ZNF512: variants seen among roughly 807,000 people sequenced by gnomAD.
ZNF512 encodes the protein zinc finger protein 512.
Under a neutral mutation model 77.5 loss-of-function variants are expected in ZNF512, and 25 were observed. The ratio of observed to expected loss-of-function variants is 0.32; its 90% CI spans 0.23 to 0.45. The LOEUF (loss-of-function observed/expected upper bound fraction) is 0.45. ZNF512 is among the 20% of genes least tolerant of loss of function. The probability of loss-of-function intolerance (pLI) is 1.00; values close to 1 mark genes in which losing one functional copy is unlikely to be tolerated. For missense variants in ZNF512, 483 were observed against 692.6 expected, an observed-to-expected ratio of 0.70 and a Z score of 3.40; for synonymous variants, 246 against 239.9, an observed-to-expected ratio of 1.03 and a Z score of -0.24.
intron 1 of ZNF512, 113 bp downstream of exon 1, chr2:27,583,255 GC>G (rs1671190971): frequency 6.7e-7 from 1 of 1,488,790 alleles, no homozygotes. Context: ...GCCATCGTAG[GC>G]CCCACCCTTC....
intron 11 of ZNF512, among the ~76,000 whole-genome samples, 184 bp downstream of exon 11, chr2:27,615,453 G>A (rs893832492): frequency 2.0e-5 from 3 of 152,186 alleles, no homozygotes; most frequent in African/African-American, 4.8e-5. Flanking sequence ...CCTGCGATAT[G>A]TAGCATCAGC....
At chr2:27,584,866 G>A (rs954049779) in intron 2 of ZNF512, among the ~76,000 whole-genome samples, 3 of 152,148 alleles carry the variant, frequency 2.0e-5, no homozygotes, top group African/African-American at 7.2e-5. Flanking sequence ...GACCTGTTAC[G>A]GCATGCTAAA....
chr2:27,593,803 A>T (rs1671713280), intron 2 of ZNF512, among the ~76,000 whole-genome samples: 1 of 146,340 alleles, frequency 6.8e-6, no homozygotes. Context: ...TTTCCATTTA[A>T]CCCTGAGTTG....
At position 27,600,683 on chromosome 2, in the gene ZNF512, C is replaced by A; in HGVS notation, c.458-8C>A. 1 of 1,611,580 alleles carries A rather than the reference C, an allele frequency of 6.2e-7. No individual in the cohort carries two copies. The highest frequency in any genetic ancestry group is 8.5e-7 in the Non-Finnish European group (1 of 1,179,206). On this transcript the variant is annotated splice_region_variant and splice_polypyrimidine_tract_variant and intron_variant, in intron 5 of 13. Transcript: ENST00000355467. Reference sequence around the variant, plus strand: ...AGATTACAAAGTGTTTCTTTCTCTCCTTTGTAGGCAGTTTGGAGGAGCAAT... The same window carrying A: ...AGATTACAAAGTGTTTCTTTCTCTCATTTGTAGGCAGTTTGGAGGAGCAAT...
chr2:27,585,674 TG>T (rs1031472797), intron 2 of ZNF512, among the ~76,000 whole-genome samples: 1 of 152,206 alleles, frequency 6.6e-6, no homozygotes, highest in Non-Finnish European at 1.5e-5. Context: ...TCTAAATATT[TG>T]CACATGGAAG....
chr2:27,592,257 C>T (rs1288209777), intron 2 of ZNF512, among the ~76,000 whole-genome samples: 1 of 152,106 alleles, frequency 6.6e-6, no homozygotes, highest in African/African-American at 2.4e-5. Flanking sequence ...TCCTAAAGTG[C>T]TGGGATTACA....
intron 2 of ZNF512, among the ~76,000 whole-genome samples, chr2:27,584,912 A>G (rs1022354925): frequency 6.6e-6 from 1 of 152,170 alleles, no homozygotes; most frequent in African/African-American, 2.4e-5. Flanking sequence ...ATAATGAGGG[A>G]ATGACATAGC....
chr2:27,592,527 C>G (rs1671635417), intron 2 of ZNF512, among the ~76,000 whole-genome samples: 1 of 151,884 alleles, frequency 6.6e-6, no homozygotes, highest in African/African-American at 2.4e-5. Context: ...ATTGGCCAGG[C>G]TGGTCTCCAA....
At chr2:27,583,269 G>T in intron 1 of ZNF512, 127 bp downstream of exon 1, 1 of 1,427,302 alleles carries the variant, frequency 7.0e-7, no homozygotes, top group African/African-American at 1.4e-5. Flanking sequence ...CACCCTTCTA[G>T]ATCAGATCAC....
Position 27,621,570 on chromosome 2 carries a change from T to A in ZNF512, c.*109T>A. The A allele has an allele frequency of 8.4e-7, 1 of 1,190,504 alleles. No homozygotes were observed. The highest frequency in any genetic ancestry group is 1.1e-6 in the Non-Finnish European group (1 of 874,868). The allele number at this position is 1,190,504 out of a possible 1,614,324, so 73.7% of individuals were successfully genotyped here. A position where few individuals can be genotyped will look rare whatever the true frequency, so the allele number is the denominator to read the frequency against. On this transcript the variant is annotated 3_prime_UTR_variant, in exon 14 of 14. Coordinates refer to ENST00000355467, the MANE Select transcript of ZNF512 (RefSeq NM_032434.4). Reference sequence around the variant, plus strand: ...TCTTTCAGCTGTTTGTGTAAGGCTGTGACTTTCTCAGCTCCTTCCTCCTGT... The same window carrying A: ...TCTTTCAGCTGTTTGTGTAAGGCTGAGACTTTCTCAGCTCCTTCCTCCTGT...
At position 27,621,509 on chromosome 2, in the gene ZNF512, T is replaced by A. The variant is rs748652550; in HGVS notation, c.*48T>A. 1.2e-4 allele frequency: 183 copies of A among 1,542,594 alleles called. 2 individuals are homozygous for A. The highest frequency in any genetic ancestry group is 2.8e-5 in the Non-Finnish European group (32 of 1,149,692). On this transcript the variant is annotated 3_prime_UTR_variant, in exon 14 of 14. Coordinates refer to ENST00000355467, the MANE Select transcript of ZNF512 (RefSeq NM_032434.4). ...TAGGAAAGCAGATGTGATGCTGTTG[T>A]CACGGGGACCTGTGCTGGGAGGACT...
rs181936173 is a variant in ZNF512, at chr2:27,600,512, A to G, written c.458-179A>G. 2.3e-3 allele frequency among the ~76,000 whole-genome samples: 347 copies of G among 152,092 alleles called. 1 individual carries two copies. Among genetic ancestry groups the G allele is most frequent in the Non-Finnish European group, 4.0e-3 (270 of 67,998 alleles). On this transcript the variant is annotated intron_variant, in intron 5 of 13. Transcript: ENST00000355467. Reference sequence around the variant, plus strand: ...GCGAAATGAGTAGGAGTTTTCAGAAACTCTTCACTGTCTAAAAAATACTAC... The same window carrying G: ...GCGAAATGAGTAGGAGTTTTCAGAAGCTCTTCACTGTCTAAAAAATACTAC...
intron 9 of ZNF512, among the ~76,000 whole-genome samples, chr2:27,604,874 GCAACCA>G: frequency 6.6e-6 from 1 of 152,242 alleles, no homozygotes; most frequent in South Asian, 2.1e-4. Context: ...ACAGCCTCTG[GCAACCA>G]CTGATTTATT....
intron 10 of ZNF512, among the ~76,000 whole-genome samples, chr2:27,613,623 G>A (rs1033059485): frequency 1.3e-5 from 2 of 152,134 alleles, no homozygotes; most frequent in African/African-American, 4.8e-5. Flanking sequence ...TGCCAAGGCT[G>A]TGTATATGAA....
At chr2:27,603,371 C>T (rs1454508013) in intron 9 of ZNF512, 64 bp downstream of exon 9, 3 of 1,548,626 alleles carry the variant, frequency 1.9e-6, no homozygotes, top group Non-Finnish European at 2.6e-6. Flanking sequence ...CCTTACCCCT[C>T]TATCTTCCCA....
chr2:27,596,133 C>G (rs2148014175), intron 2 of ZNF512, among the ~76,000 whole-genome samples: 1 of 152,254 alleles, frequency 6.6e-6, no homozygotes, highest in Non-Finnish European at 1.5e-5. Context: ...CGGTTCTGTT[C>G]TTTATGTCTT....
Position 27,621,523 on chromosome 2 carries a change from G to A in ZNF512, c.*62G>A. 2.0e-6 allele frequency: 3 copies of A among 1,489,044 alleles called. No homozygotes were observed. The highest frequency in any genetic ancestry group is 2.7e-6 in the Non-Finnish European group (3 of 1,118,700). The allele number at this position is 1,489,044 out of a possible 1,614,324, so 92.2% of individuals were successfully genotyped here. On this transcript the variant is annotated 3_prime_UTR_variant, in exon 14 of 14. Transcript: ENST00000355467. ...TGATGCTGTTGTCACGGGGACCTGT[G>A]CTGGGAGGACTGAGTGAAGATTCTT... is the stretch of plus-strand genomic sequence containing the variant.
At chr2:27,601,684 T>C (rs1306453417) in intron 7 of ZNF512, among the ~76,000 whole-genome samples, 3 of 151,834 alleles carry the variant, frequency 2.0e-5, no homozygotes, top group Non-Finnish European at 4.4e-5. Flanking sequence ...GTTTCACTCT[T>C]GTTGCCCAGG....
Position 27,583,097 on chromosome 2 carries a change from G to C in ZNF512, c.-16G>C. ...CGGAGCCCTTGGGTGAAATTGTTAG[G>C]CGTGGAGAGGGAGTGATGTCTTCCA... is the stretch of plus-strand genomic sequence containing the variant. On this transcript the variant is annotated 5_prime_UTR_variant, in exon 1 of 14. Transcript: ENST00000355467. The C allele has an allele frequency of 1.9e-6, 3 of 1,614,142 alleles. No individual in the cohort carries two copies. The highest frequency in any genetic ancestry group is 2.5e-6 in the Non-Finnish European group (3 of 1,180,030).
Sources: gnomAD v4.1 joint callset for allele counts (sites outside exome capture counted in the v4.1 genomes callset) on GRCh38, gnomAD v4.1.1 for gene constraint, MANE v1.5 for transcripts, NCBI Gene and HGNC (gene_info 2026-07-23, HGNC 2026-07-21) for gene names.